CSMD1: variants seen among roughly 807,000 people sequenced by gnomAD.
CSMD1 encodes CUB and sushi domain-containing protein 1.
A neutral mutation model predicts 417.5 loss-of-function variants in CSMD1; 213 were observed. The observed-to-expected ratio is 0.51, with a 90% CI of 0.46 to 0.57. CSMD1 has a LOEUF of 0.57. Ranked by LOEUF, CSMD1 falls within the 20% of genes least tolerant of loss-of-function variation. CSMD1 has a pLI of 0.00. For synonymous variants in CSMD1, 2,862 were observed against 1,736.8 expected, an observed-to-expected ratio of 1.65 and a Z score of -16.11; for missense variants, 6,923 against 4,529.7, an observed-to-expected ratio of 1.53 and a Z score of -15.17.
At chr8:4,249,895 G>C (rs569057687) in intron 3 of CSMD1, among the ~76,000 whole-genome samples, 6 of 152,306 alleles carry the variant, frequency 3.9e-5, no homozygotes, top group South Asian at 4.1e-4. Context: ...CAATGAGGCA[G>C]TGCTAGAAGC....
intron 3 of CSMD1, among the ~76,000 whole-genome samples, chr8:4,403,954 C>A (rs1474597255): frequency 6.6e-6 from 1 of 152,168 alleles, no homozygotes; most frequent in Non-Finnish European, 1.5e-5. Flanking sequence ...TCTTTCAAAA[C>A]CTTTGGCATC....
At chr8:4,899,796 C>A (rs1804747383) in intron 1 of CSMD1, among the ~76,000 whole-genome samples, 1 of 152,130 alleles carries the variant, frequency 6.6e-6, no homozygotes, top group Non-Finnish European at 1.5e-5. Context: ...GATACAAGCA[C>A]AGAATATAGA....
At chr8:3,763,165 AC>A in intron 5 of CSMD1, among the ~76,000 whole-genome samples, 2 of 152,304 alleles carry the variant, frequency 1.3e-5, no homozygotes, top group South Asian at 4.1e-4. Flanking sequence ...CTCTTCACCC[AC>A]ACTCCCAGAG....
rs1798649132 is a variant in CSMD1, at chr8:3,772,478, TAC to T, written c.819-18438_819-18437del. 3.9e-4 allele frequency among the ~76,000 whole-genome samples: 18 copies of T among 45,602 alleles called. 1 individual carries two copies. The highest frequency in any genetic ancestry group is 1.1e-3 in the African/African-American group (13 of 12,228). 29.9% of individuals were successfully genotyped at this position (45,602 alleles called of 152,430 possible). ...ATATATACATATATACACATATATA[TAC>T]ATATATACACATATATACATATATA... On this transcript the variant is annotated intron_variant, in intron 5 of 69. Coordinates refer to ENST00000635120, the MANE Select transcript of CSMD1 (RefSeq NM_033225.6).
chr8:3,330,972 C>T (rs746666811), intron 23 of CSMD1, among the ~76,000 whole-genome samples: 5 of 152,112 alleles, frequency 3.3e-5, no homozygotes, highest in South Asian at 2.1e-4. Context: ...GCAACAGTGC[C>T]GGGCGCGGTG....
chr8:3,311,975 G>A (rs924173258), intron 23 of CSMD1, among the ~76,000 whole-genome samples: 2 of 151,886 alleles, frequency 1.3e-5, no homozygotes, highest in Non-Finnish European at 2.9e-5. Flanking sequence ...AATCAAAAAA[G>A]GTTAACAAAG....
chr8:4,189,335 G>T (rs997352741), intron 3 of CSMD1, among the ~76,000 whole-genome samples: 1 of 152,076 alleles, frequency 6.6e-6, no homozygotes, highest in Non-Finnish European at 1.5e-5. Flanking sequence ...TGCCAACTGT[G>T]TTTATTAGGA....
chr8:4,240,108 T>G (rs1294046724), intron 3 of CSMD1, among the ~76,000 whole-genome samples: 1 of 152,236 alleles, frequency 6.6e-6, no homozygotes, highest in Non-Finnish European at 1.5e-5. Context: ...AAACCAAATG[T>G]TGATTGTTAT....
chr8:4,344,743 G>C (rs945946703), intron 3 of CSMD1, among the ~76,000 whole-genome samples: 36 of 152,036 alleles, frequency 2.4e-4, no homozygotes, highest in Non-Finnish European at 4.3e-4. Flanking sequence ...TATAAAAGTT[G>C]CCATTCACAT....
At chr8:4,236,853 G>C (rs1027304703) in intron 3 of CSMD1, among the ~76,000 whole-genome samples, 3 of 152,066 alleles carry the variant, frequency 2.0e-5, no homozygotes, top group African/African-American at 7.2e-5. Flanking sequence ...GAACAAAATG[G>C]AACAGAAGCA....
intron 1 of CSMD1, among the ~76,000 whole-genome samples, chr8:4,916,975 A>G (rs1206248830): frequency 6.6e-6 from 1 of 152,202 alleles, no homozygotes; most frequent in Non-Finnish European, 1.5e-5. Context: ...TACAGGGTTC[A>G]GTAGGTGTAT....
At chr8:3,710,679 G>T (rs4518695) in intron 6 of CSMD1, among the ~76,000 whole-genome samples, 5,170 of 152,014 alleles carry the variant, frequency 0.034, 111 homozygotes, top group South Asian at 0.08. Context: ...GAAACCATGT[G>T]TTAGCCTCTT....
chr8:4,020,439 T>C (rs547314096), intron 4 of CSMD1, among the ~76,000 whole-genome samples: 19 of 152,334 alleles, frequency 1.2e-4, no homozygotes, highest in African/African-American at 1.4e-4. Flanking sequence ...CTATGCTCTA[T>C]TGATATTATA....
intron 25 of CSMD1, among the ~76,000 whole-genome samples, chr8:3,300,989 A>G (rs1393860752): frequency 1.3e-5 from 2 of 150,370 alleles, no homozygotes; most frequent in Non-Finnish European, 3.0e-5. Context: ...AAAGAGAAAG[A>G]AAAATTAGAA....
intron 2 of CSMD1, among the ~76,000 whole-genome samples, chr8:4,473,762 T>C (rs968491658): frequency 6.6e-6 from 1 of 152,274 alleles, no homozygotes; most frequent in Non-Finnish European, 1.5e-5. Context: ...TTCAACCAAA[T>C]GGCTTTGGGT....
intron 25 of CSMD1, among the ~76,000 whole-genome samples, chr8:3,286,116 G>C (rs1053159576): frequency 6.6e-6 from 1 of 152,042 alleles, no homozygotes; most frequent in Admixed American, 6.6e-5. Context: ...TGAGAATCAT[G>C]GTTTCCAGCT....
At chr8:4,773,292 A>G (rs1796685919) in intron 1 of CSMD1, among the ~76,000 whole-genome samples, 1 of 152,196 alleles carries the variant, frequency 6.6e-6, no homozygotes, top group South Asian at 2.1e-4. Flanking sequence ...ACACCAAGCT[A>G]GCAGTTTGGT....
chr8:3,480,796 T>C (rs1817696279), intron 11 of CSMD1, among the ~76,000 whole-genome samples: 1 of 152,126 alleles, frequency 6.6e-6, no homozygotes, highest in Non-Finnish European at 1.5e-5. Flanking sequence ...ATTCAGTGAA[T>C]CTATCCTTCA....
intron 4 of CSMD1, among the ~76,000 whole-genome samples, chr8:4,023,273 C>G (rs962080193): frequency 2.0e-5 from 3 of 152,232 alleles, no homozygotes; most frequent in African/African-American, 7.2e-5. Context: ...TCTGAACCAA[C>G]TACCCATCAT....
Sources: gnomAD v4.1 joint callset for allele counts (sites outside exome capture counted in the v4.1 genomes callset) on GRCh38, gnomAD v4.1.1 for gene constraint, MANE v1.5 for transcripts, NCBI Gene and HGNC (gene_info 2026-07-23, HGNC 2026-07-21) for gene names.